Variants in KIF6 observed in about 807,000 individuals in gnomAD.
KIF6 encodes kinesin-like protein KIF6.
KIF6 carries 106 observed loss-of-function variants against 112.7 expected under a neutral mutation model. That is an observed-to-expected ratio of 0.94 (90% CI 0.80 to 1.11). The LOEUF (loss-of-function observed/expected upper bound fraction) is 1.11. Ranked by LOEUF, KIF6 falls within the 50% of genes least tolerant of loss-of-function variation. The pLI is 0.00. For synonymous variants in KIF6, 339 were observed against 339.9 expected (o/e 1.00, Z 0.03); for missense variants, 929 against 964.0 (o/e 0.96, Z 0.48).
At chr6:39,574,666 C>T (rs1326974267) in intron 10 of KIF6, among the ~76,000 whole-genome samples, 1 of 152,026 alleles carries the variant, frequency 6.6e-6, no homozygotes, top group Non-Finnish European at 1.5e-5. Flanking sequence ...GCTTTTCATT[C>T]TGAAGTTGCA....
At chr6:39,430,737 T>G (rs867524266) in intron 14 of KIF6, among the ~76,000 whole-genome samples, 4 of 152,306 alleles carry the variant, frequency 2.6e-5, no homozygotes, top group African/African-American at 7.2e-5. Flanking sequence ...CCCCCCTCCT[T>G]TGCAACAGTA....
At chr6:39,581,822 A>C (rs1781316778) in intron 9 of KIF6, among the ~76,000 whole-genome samples, 1 of 152,090 alleles carries the variant, frequency 6.6e-6, no homozygotes, top group African/African-American at 2.4e-5. Flanking sequence ...GCCTCAGCTT[A>C]GTTTTTGGGC....
chr6:39,438,936 T>C (rs192942208), intron 13 of KIF6, among the ~76,000 whole-genome samples: 18 of 152,334 alleles, frequency 1.2e-4, no homozygotes, highest in South Asian at 4.1e-4. Context: ...ATGCTTACCA[T>C]TGTGTTACAA....
At chr6:39,615,133 A>G (rs1783434704) in intron 5 of KIF6, among the ~76,000 whole-genome samples, 1 of 151,968 alleles carries the variant, frequency 6.6e-6, no homozygotes, top group East Asian at 1.9e-4. Flanking sequence ...TGATTGTACC[A>G]CTGTCCTCCA....
chr6:39,462,667 G>A (rs972850248), intron 13 of KIF6, among the ~76,000 whole-genome samples: 1 of 152,096 alleles, frequency 6.6e-6, no homozygotes, highest in Non-Finnish European at 1.5e-5. Context: ...GATAATGGAA[G>A]GCTGACGAGA....
At chr6:39,711,375 C>G (rs62403359) in intron 3 of KIF6, among the ~76,000 whole-genome samples, 10,987 of 150,658 alleles carry the variant, frequency 0.073, 537 homozygotes, top group South Asian at 0.18. Flanking sequence ...GACAATGAAG[C>G]AGTATCTTCA....
At position 39,343,525 on chromosome 6, in the gene KIF6, C is replaced by T; in HGVS notation, c.2428+184G>A. 6.9e-7 allele frequency: 1 copy of T among 1,448,424 alleles called. No homozygotes were observed. The highest frequency in any genetic ancestry group is 9.3e-7 in the Non-Finnish European group (1 of 1,079,066). The allele number at this position is 1,448,424 out of a possible 1,614,324, so 89.7% of individuals were successfully genotyped here. A position where few individuals can be genotyped will look rare whatever the true frequency, so the allele number is the denominator to read the frequency against. ...TGGGCCTGTCTTGGTGTTTCTGATG[C>T]TGCCCCTTGAGGCTTTCTCGAGAAG... On this transcript the variant is annotated intron_variant, in intron 22 of 22. Coordinates refer to ENST00000287152, the MANE Select transcript of KIF6 (RefSeq NM_145027.6). This position sits in a 1 kb window ranked among gnomAD's most constrained non-coding sequence, Gnocchi z 4.1.
chr6:39,655,510 G>A (rs1221892790), intron 3 of KIF6, among the ~76,000 whole-genome samples: 3 of 151,800 alleles, frequency 2.0e-5, no homozygotes, highest in Non-Finnish European at 4.4e-5. Flanking sequence ...TCTTCACAGG[G>A]CCTTCAGTTC....
intron 13 of KIF6, among the ~76,000 whole-genome samples, chr6:39,465,578 C>T (rs1389250098): frequency 6.6e-6 from 1 of 152,182 alleles, no homozygotes; most frequent in Admixed American, 6.5e-5. Context: ...GTCTCCCTGA[C>T]TTTAGTCTGT....
chr6:39,634,770 A>C, intron 5 of KIF6, 79 bp downstream of exon 5: 1 of 877,642 alleles, frequency 1.1e-6, no homozygotes. Flanking sequence ...GACCAGAAAC[A>C]TACAAAGTTT....
At chr6:39,444,906 A>G (rs1328973427) in intron 13 of KIF6, among the ~76,000 whole-genome samples, 5 of 152,134 alleles carry the variant, frequency 3.3e-5, no homozygotes, top group Non-Finnish European at 7.3e-5. Flanking sequence ...GCAGTTCACA[A>G]GAGCTGGAGA....
intron 13 of KIF6, among the ~76,000 whole-genome samples, chr6:39,533,902 A>C (rs989576400): frequency 1.3e-5 from 2 of 152,242 alleles, no homozygotes; most frequent in African/African-American, 2.4e-5. Context: ...CTTGCGGTTC[A>C]TGAAAATCTG....
At chr6:39,413,978 A>G (rs796861934) in intron 15 of KIF6, among the ~76,000 whole-genome samples, 41 of 152,376 alleles carry the variant, frequency 2.7e-4, no homozygotes, top group African/African-American at 9.9e-4. Flanking sequence ...TGTAACTTTT[A>G]AATCATCTCT....
intron 13 of KIF6, among the ~76,000 whole-genome samples, chr6:39,514,265 C>T (rs529710352): frequency 2.0e-5 from 3 of 152,220 alleles, no homozygotes; most frequent in East Asian, 1.9e-4. Context: ...TGTGAAAAGT[C>T]GAAGATTTTA....
chr6:39,625,265 T>C (rs933376420), intron 5 of KIF6, among the ~76,000 whole-genome samples: 1 of 152,186 alleles, frequency 6.6e-6, no homozygotes, highest in East Asian at 1.9e-4. Flanking sequence ...TTTCTGATAC[T>C]GAGAACAATC....
At chr6:39,427,273 G>A (rs76380642) in intron 14 of KIF6, among the ~76,000 whole-genome samples, 4,091 of 152,256 alleles carry the variant, frequency 0.027, 180 homozygotes, top group African/African-American at 0.091. Context: ...GAAGGGGCCC[G>A]GGTTACTGGA....
chr6:39,678,207 C>T (rs1481090845), intron 3 of KIF6, among the ~76,000 whole-genome samples: 1 of 151,684 alleles, frequency 6.6e-6, no homozygotes, highest in Non-Finnish European at 1.5e-5. Flanking sequence ...GTTGGTGGGA[C>T]TGTAAACTAG....
At chr6:39,492,896 C>T (rs181790998) in intron 13 of KIF6, among the ~76,000 whole-genome samples, 1 of 152,290 alleles carries the variant, frequency 6.6e-6, no homozygotes, top group African/African-American at 2.4e-5. Flanking sequence ...AGCACAGAAC[C>T]TGTCATATTT....
chr6:39,525,646 C>T (rs1002469982), intron 13 of KIF6, among the ~76,000 whole-genome samples: 15 of 151,754 alleles, frequency 9.9e-5, no homozygotes, highest in African/African-American at 3.4e-4. Flanking sequence ...TCCAGCTACT[C>T]GGGAGGCTGA....
Sources: allele counts gnomAD v4.1 joint callset (sites outside exome capture counted in the v4.1 genomes callset), GRCh38; gene constraint gnomAD v4.1.1; non-coding constraint Gnocchi (gnomAD v3.1); transcripts MANE v1.5; gene names NCBI Gene and HGNC (gene_info 2026-07-23, HGNC 2026-07-21).